DPP10: variants seen among roughly 807,000 people sequenced by gnomAD.
The protein encoded by DPP10 is inactive dipeptidyl peptidase 10.
DPP10 carries 33 observed loss-of-function variants against 120.9 expected under a neutral mutation model. That is an observed-to-expected ratio of 0.27 (90% CI 0.21 to 0.37). The LOEUF (loss-of-function observed/expected upper bound fraction) is 0.37. DPP10 is among the 10% of genes least tolerant of loss of function. The pLI, the probability that DPP10 is intolerant of heterozygous loss-of-function variation, is 1.00. For missense variants in DPP10, 816 were observed against 942.8 expected, an observed-to-expected ratio of 0.87 and a Z score of 1.76; for synonymous variants, 337 against 326.1, an observed-to-expected ratio of 1.03 and a Z score of -0.36.
intron 1 of DPP10, among the ~76,000 whole-genome samples, chr2:115,061,965 T>A (rs925818441): frequency 6.6e-6 from 1 of 152,076 alleles, no homozygotes; most frequent in Non-Finnish European, 1.5e-5. Context: ...CCTTGGCTAT[T>A]CTTTTCTGTT....
intron 5 of DPP10, among the ~76,000 whole-genome samples, chr2:115,581,605 G>T (rs1275347045): frequency 6.6e-6 from 1 of 152,038 alleles, no homozygotes; most frequent in East Asian, 1.9e-4. Context: ...TATAGGTATG[G>T]TAAGAACAGT....
intron 3 of DPP10, among the ~76,000 whole-genome samples, chr2:115,346,339 G>A (rs746223175): frequency 2.0e-5 from 3 of 152,100 alleles, no homozygotes; most frequent in Non-Finnish European, 4.4e-5. Flanking sequence ...GAAGGAGTTC[G>A]AGCTCAGCTT....
chr2:115,000,354 G>C (rs1375854340), intron 1 of DPP10, among the ~76,000 whole-genome samples: 1 of 152,050 alleles, frequency 6.6e-6, no homozygotes, highest in Admixed American at 6.6e-5. Flanking sequence ...TTCTAGAAAG[G>C]AAAATTCTTA....
At chr2:115,523,396 CAAAAAAAAAAAA>C (rs67633094) in intron 4 of DPP10, among the ~76,000 whole-genome samples, 1 of 69,168 alleles carries the variant, frequency 1.4e-5, no homozygotes, top group African/African-American at 5.9e-5. Context: ...GAGAAGCTCT[CAAAAAAAAAAAA>C]AAAAAAAAAA....
intron 3 of DPP10, among the ~76,000 whole-genome samples, chr2:115,408,673 TG>T (rs1221146427): frequency 6.6e-6 from 1 of 152,132 alleles, no homozygotes; most frequent in East Asian, 1.9e-4. Context: ...AATGAATAGT[TG>T]GAACATCTTC....
chr2:115,150,090 T>C (rs573850121), intron 1 of DPP10, among the ~76,000 whole-genome samples: 1 of 152,270 alleles, frequency 6.6e-6, no homozygotes, highest in South Asian at 2.1e-4. Context: ...GGAGAATAGA[T>C]AGAAAGAGTC....
chr2:115,688,294 A>G (rs2091120389), intron 5 of DPP10, among the ~76,000 whole-genome samples: 1 of 152,162 alleles, frequency 6.6e-6, no homozygotes, highest in Non-Finnish European at 1.5e-5. Context: ...ACTCTAACAA[A>G]TGGTGGAAGG....
At chr2:114,987,714 C>T (rs1474466657) in intron 1 of DPP10, among the ~76,000 whole-genome samples, 1 of 151,100 alleles carries the variant, frequency 6.6e-6, no homozygotes, top group Non-Finnish European at 1.5e-5. Context: ...ATTTCGCTCA[C>T]GTGAAAAGTG....
intron 1 of DPP10, among the ~76,000 whole-genome samples, chr2:115,071,426 T>C (rs1707359090): frequency 6.6e-6 from 1 of 152,202 alleles, no homozygotes; most frequent in South Asian, 2.1e-4. Flanking sequence ...GAGTGTTGCC[T>C]GGGAAGAGAG....
chr2:114,653,293 A>G (rs1190845876), intron 1 of DPP10, among the ~76,000 whole-genome samples: 1 of 152,054 alleles, frequency 6.6e-6, no homozygotes, highest in East Asian at 1.9e-4. Context: ...CAGAGATGAG[A>G]GTGATGCACC....
At chr2:115,507,253 G>T (rs11690107) in intron 4 of DPP10, among the ~76,000 whole-genome samples, 1 of 151,858 alleles carries the variant, frequency 6.6e-6, no homozygotes, top group Non-Finnish European at 1.5e-5. Context: ...GACTCATTAT[G>T]CCTTATTACT....
chr2:114,589,973 A>T (rs1020774242), intron 1 of DPP10, among the ~76,000 whole-genome samples: 6 of 152,138 alleles, frequency 3.9e-5, no homozygotes, highest in African/African-American at 7.2e-5. Flanking sequence ...GATGATTCAG[A>T]TATGACCCTA....
At chr2:114,621,243 T>C (rs1694070814) in intron 1 of DPP10, among the ~76,000 whole-genome samples, 1 of 152,118 alleles carries the variant, frequency 6.6e-6, no homozygotes, top group Non-Finnish European at 1.5e-5. Flanking sequence ...ACAGTTGTAA[T>C]ACTTAAGAAC....
chr2:114,556,495 A>T (rs1573644298), intron 1 of DPP10, among the ~76,000 whole-genome samples: 1 of 151,920 alleles, frequency 6.6e-6, no homozygotes, highest in African/African-American at 2.4e-5. Context: ...AATTTGGAGG[A>T]CACAAGTAAA....
At chr2:114,501,251 A>G (rs1368054606) in intron 1 of DPP10, among the ~76,000 whole-genome samples, 21 of 152,096 alleles carry the variant, frequency 1.4e-4, no homozygotes, top group Non-Finnish European at 2.6e-4. Context: ...AAATAATAAT[A>G]TTACTTCAGA....
chr2:115,568,267 G>A lies in DPP10; in HGVS notation c.441+42295G>A, dbSNP rs560114918. On this transcript the variant is annotated intron_variant, in intron 5 of 25. Transcript: ENST00000410059. ...TGGGAGACTGAGGCGGGCAGATCAC[G>A]AGGTCAAGAGATTGAGACCACCCTG... 2.2e-4 allele frequency among the ~76,000 whole-genome samples: 33 copies of A among 151,794 alleles called. No individual in the cohort carries two copies. In the South Asian group the frequency reaches 5.2e-3, roughly 24 times the overall value.
chr2:115,358,065 C>G (rs2064524242), intron 3 of DPP10, among the ~76,000 whole-genome samples: 1 of 152,196 alleles, frequency 6.6e-6, no homozygotes, highest in East Asian at 1.9e-4. Context: ...CTCTGACATG[C>G]CCTGGAGACA....
chr2:115,536,358 C>T (rs4849405), intron 5 of DPP10, among the ~76,000 whole-genome samples: 4 of 151,932 alleles, frequency 2.6e-5, no homozygotes, highest in Admixed American at 2.6e-4. Context: ...ATGGCTTTAC[C>T]ATCTTTTCAT....
At chr2:115,068,863 TG>T (rs751813420) in intron 1 of DPP10, among the ~76,000 whole-genome samples, 98 of 152,298 alleles carry the variant, frequency 6.4e-4, no homozygotes, top group African/African-American at 2.3e-3. Context: ...GTCGAAGATC[TG>T]TTGACAATAA....
Sources: allele counts gnomAD v4.1 joint callset (sites outside exome capture counted in the v4.1 genomes callset), GRCh38; gene constraint gnomAD v4.1.1; transcripts MANE v1.5; gene names NCBI Gene and HGNC (gene_info 2026-07-23, HGNC 2026-07-21).